The following ADGRV1 variants were observed in gnomAD, a reference collection of about 807,000 sequenced individuals.
ADGRV1 encodes the protein G-protein coupled receptor 98.
ADGRV1 carries 359 observed loss-of-function variants against 596.2 expected under a neutral mutation model. The observed-to-expected ratio is 0.60, with a 90% CI of 0.55 to 0.66. The LOEUF (loss-of-function observed/expected upper bound fraction) is 0.66, where lower values mean the gene tolerates loss of function less well. ADGRV1 is among the 30% of genes least tolerant of loss of function. The pLI, the probability that ADGRV1 is intolerant of heterozygous loss-of-function variation, is 0.00. For synonymous variants in ADGRV1, 2,681 were observed against 2,679.2 expected (o/e 1.00, Z -0.02); for missense variants, 7,274 against 7,575.6 (o/e 0.96, Z 1.48).
Position 90,651,640 on chromosome 5 carries a change from T to C in ADGRV1, c.3326T>C (p.Val1109Ala). The change falls in exon 18 of 90, where the codon GTA becomes GCA. Residue 1109 changes from valine (V) to alanine (A), a missense_variant. This residue lies in a region of ADGRV1 where 1,715 missense variants were observed against 1,708.8 expected (regional missense o/e 1.00). Coordinates refer to ENST00000405460, the MANE Select transcript of ADGRV1 (RefSeq NM_032119.4). ...TVVYQYGVATVIIEANDDPNG... is the reference protein window; with the variant it reads ...TVVYQYGVATAIIEANDDPNG... ...GTATATCAATATGGAGTAGCTACAGTAATAATTGAAGCTAATGATGACCCA... is the reference window on the plus strand; with the variant it reads ...GTATATCAATATGGAGTAGCTACAGCAATAATTGAAGCTAATGATGACCCA... The C allele has an allele frequency of 6.2e-7, 1 of 1,609,564 alleles. No individual in the cohort carries two copies. The highest frequency in any genetic ancestry group is 1.1e-5 in the South Asian group (1 of 90,822).
In ADGRV1 at chr5:90,629,517, A is replaced by C. The variant is rs61749567; in HGVS notation, c.1817A>C (p.Asn606Thr). The C allele has an allele frequency of 1.6e-3, 2,503 of 1,611,358 alleles. 36 individuals are homozygous for C. In the African/African-American group the frequency reaches 0.03, roughly 19 times the overall value. Residue 606 changes from asparagine (N) to threonine (T), a missense_variant, in exon 9 of 90, where the codon AAT becomes ACT. Coordinates refer to ENST00000405460, the MANE Select transcript of ADGRV1 (RefSeq NM_032119.4). ...ATAAGAAATGATGCATTCCTTCAAAATGGAGCTCACTTTCTAGTACAGGTA... is the reference window on the plus strand; with the variant it reads ...ATAAGAAATGATGCATTCCTTCAAACTGGAGCTCACTTTCTAGTACAGGTA... ...LPIRNDAFLQ[N>T]GAHFLVQLET... is the part of the protein sequence containing the mutation.
chr5:91,123,016 G>A, intron 87 of ADGRV1, among the ~76,000 whole-genome samples: 1 of 152,120 alleles, frequency 6.6e-6, no homozygotes, highest in East Asian at 1.9e-4. Flanking sequence ...CTTTTTCCAT[G>A]GCATTAGGAA....
chr5:91,096,705 G>C (rs1442164435), intron 86 of ADGRV1, among the ~76,000 whole-genome samples: 1 of 151,588 alleles, frequency 6.6e-6, no homozygotes, highest in African/African-American at 2.4e-5. Context: ...TTTGTTAATT[G>C]TAGTAAAATA....
chr5:90,985,277 C>G, intron 84 of ADGRV1, 67 bp from the exon 85 acceptor site: 1 of 1,187,572 alleles, frequency 8.4e-7, no homozygotes, highest in Non-Finnish European at 1.2e-6. Flanking sequence ...ATTGCCTAAG[C>G]CAGTAGAGTT....
intron 64 of ADGRV1, 46 bp from the exon 65 acceptor site, chr5:90,781,381 TTTG>T (rs775824420): frequency 2.9e-6 from 4 of 1,377,898 alleles, no homozygotes; most frequent in East Asian, 2.4e-5. Flanking sequence ...TTATGTATTT[TTTG>T]TTGTTGTTGT....
chr5:91,019,216 A>G (rs1230726023), intron 85 of ADGRV1, among the ~76,000 whole-genome samples: 1 of 152,000 alleles, frequency 6.6e-6, no homozygotes, highest in Non-Finnish European at 1.5e-5. Flanking sequence ...ATGAAATCAC[A>G]TGAATTTCAA....
At chr5:90,726,098 C>T (rs904570039) in intron 48 of ADGRV1, among the ~76,000 whole-genome samples, 14 of 152,206 alleles carry the variant, frequency 9.2e-5, no homozygotes, top group African/African-American at 3.4e-4. Flanking sequence ...ATACATGCTT[C>T]ACAATTCCAT....
intron 87 of ADGRV1, among the ~76,000 whole-genome samples, chr5:91,140,410 G>T (rs964457310): frequency 6.6e-6 from 1 of 152,036 alleles, no homozygotes; most frequent in Admixed American, 6.6e-5. Context: ...AAAGGACACT[G>T]ACCAAAACTA....
At chr5:90,990,538 G>A (rs1002484387) in intron 85 of ADGRV1, among the ~76,000 whole-genome samples, 1 of 152,164 alleles carries the variant, frequency 6.6e-6, no homozygotes, top group African/African-American at 2.4e-5. Flanking sequence ...TGATCTGACA[G>A]GAGGCAGACC....
At chr5:91,082,943 C>A (rs1464332491) in intron 86 of ADGRV1, among the ~76,000 whole-genome samples, 3 of 152,068 alleles carry the variant, frequency 2.0e-5, no homozygotes, top group African/African-American at 7.2e-5. Context: ...AGTCTACAAT[C>A]CTTTGTATGA....
chr5:90,793,491 T>A (rs1456609731), intron 70 of ADGRV1, among the ~76,000 whole-genome samples: 1 of 152,208 alleles, frequency 6.6e-6, no homozygotes, highest in Non-Finnish European at 1.5e-5. Flanking sequence ...ATTGTTTTAC[T>A]AAGCAACGTG....
intron 87 of ADGRV1, 61 bp from the exon 88 acceptor site, chr5:91,149,969 C>G: frequency 7.1e-7 from 1 of 1,407,580 alleles, no homozygotes; most frequent in Non-Finnish European, 9.5e-7. Flanking sequence ...GCAGGACTGA[C>G]TTTGACATGC....
At chr5:90,953,812 T>C (rs1777243247) in intron 83 of ADGRV1, among the ~76,000 whole-genome samples, 1 of 152,090 alleles carries the variant, frequency 6.6e-6, no homozygotes, top group Non-Finnish European at 1.5e-5. Flanking sequence ...AAAGGGGAAA[T>C]GGTGCAAAGA....
intron 1 of ADGRV1, among the ~76,000 whole-genome samples, chr5:90,613,312 G>C (rs1446680409): frequency 1.3e-5 from 2 of 151,888 alleles, no homozygotes; most frequent in Non-Finnish European, 2.9e-5. Context: ...TCATTTCCTT[G>C]CCACTATTTG....
intron 85 of ADGRV1, among the ~76,000 whole-genome samples, chr5:90,994,922 A>C (rs2151085589): frequency 6.6e-6 from 1 of 152,294 alleles, no homozygotes; most frequent in Admixed American, 6.5e-5. Context: ...GCATGACTTC[A>C]ACACTCTACC....
intron 34 of ADGRV1, among the ~76,000 whole-genome samples, chr5:90,701,587 T>TGC (rs1262491480): frequency 1.3e-5 from 2 of 152,056 alleles, no homozygotes; most frequent in Non-Finnish European, 2.9e-5. Flanking sequence ...TGCGTGTGTG[T>TGC]GCGCATGTGT....
At chr5:90,876,055 G>A (rs1386554041) in intron 83 of ADGRV1, among the ~76,000 whole-genome samples, 4 of 152,110 alleles carry the variant, frequency 2.6e-5, no homozygotes, top group African/African-American at 9.7e-5. Context: ...ATCCTGTCAT[G>A]TTTAGGTCAT....
chr5:90,732,915 T>A (rs1234953326), intron 50 of ADGRV1, among the ~76,000 whole-genome samples: 1 of 152,250 alleles, frequency 6.6e-6, no homozygotes, highest in Non-Finnish European at 1.5e-5. Context: ...CAGTGTCTCT[T>A]AGATCCCTGG....
At chr5:91,130,757 A>G (rs914838545) in intron 87 of ADGRV1, among the ~76,000 whole-genome samples, 2 of 152,258 alleles carry the variant, frequency 1.3e-5, no homozygotes, top group African/African-American at 4.8e-5. Flanking sequence ...CCCTATAAGT[A>G]GTTTTTCAAC....
Sources: allele counts gnomAD v4.1 joint callset (sites outside exome capture counted in the v4.1 genomes callset), GRCh38; gene constraint gnomAD v4.1.1; regional missense constraint gnomAD v4.1.1; transcripts MANE v1.5; gene names NCBI Gene and HGNC (gene_info 2026-07-23, HGNC 2026-07-21).